TMED3: variants seen among roughly 807,000 people sequenced by gnomAD.
TMED3 encodes transmembrane p24 trafficking protein 3, also known as transmembrane emp24 domain-containing protein 3.
A neutral mutation model predicts 15.0 loss-of-function variants in TMED3; 9 were observed. The ratio of observed to expected loss-of-function variants is 0.60; its 90% CI spans 0.36 to 1.04. TMED3 has a LOEUF of 1.04. Ranked by LOEUF, TMED3 falls within the 50% of genes least tolerant of loss-of-function variation. The probability of loss-of-function intolerance (pLI) is 0.01; values close to 1 mark genes in which losing one functional copy is unlikely to be tolerated. For missense variants in TMED3, 267 were observed against 278.9 expected (o/e 0.96, Z 0.30); for synonymous variants, 117 against 121.4 (o/e 0.96, Z 0.24).
intron 2 of TMED3, among the ~76,000 whole-genome samples, chr15:79,368,443 T>C (rs1893277813): frequency 6.6e-6 from 1 of 152,090 alleles, no homozygotes; most frequent in South Asian, 2.1e-4. Context: ...GTGAGGGAGC[T>C]TGCACACTGT....
chr15:79,311,152 C>T lies in TMED3; in HGVS notation c.-98C>T, dbSNP rs1443873396. ...GAGCTCCGCTGGTGCCACGTCTATC[C>T]CCTTACATCCTCCTAGGACCCGGTC... On this transcript the variant is annotated 5_prime_UTR_variant, in exon 1 of 3. Transcript: ENST00000299705. 3.7e-6 allele frequency: 5 copies of T among 1,338,532 alleles called. No homozygotes were observed. In the South Asian group the frequency reaches 7.4e-5, roughly 20 times the overall value. The allele number at this position is 1,338,532 out of a possible 1,614,324, so 82.9% of individuals were successfully genotyped here.
intron 2 of TMED3, among the ~76,000 whole-genome samples, chr15:79,372,296 G>GT (rs1222048187): frequency 6.6e-6 from 1 of 152,160 alleles, no homozygotes; most frequent in Non-Finnish European, 1.5e-5. Flanking sequence ...AGGTAAAGAG[G>GT]TTGAAGTACA....
At chr15:79,329,046 T>G (rs901949274) in intron 2 of TMED3, among the ~76,000 whole-genome samples, 1 of 152,114 alleles carries the variant, frequency 6.6e-6, no homozygotes, top group Non-Finnish European at 1.5e-5. Flanking sequence ...TACCTAGGGG[T>G]GGTGGATTAA....
intron 2 of TMED3, among the ~76,000 whole-genome samples, chr15:79,336,741 C>T (rs1490227098): frequency 6.6e-6 from 1 of 152,038 alleles, no homozygotes; most frequent in African/African-American, 2.4e-5. Flanking sequence ...GAAAAAAACA[C>T]ATTAGCACCC....
exon 3 of TMED3, chr15:79,411,458 G>A (rs1893977927): frequency 1.4e-6 from 1 of 702,520 alleles, no homozygotes; most frequent in Non-Finnish European, 2.6e-6. Flanking sequence ...ATGCAGCCAG[G>A]CGGAACACCT....
intron 2 of TMED3, among the ~76,000 whole-genome samples, chr15:79,357,968 C>T (rs998091756): frequency 3.9e-5 from 6 of 152,180 alleles, no homozygotes; most frequent in Non-Finnish European, 8.8e-5. Flanking sequence ...CAACATCCTT[C>T]TTGGGAGATG....
At chr15:79,409,871 C>T (rs569507423) in intron 2 of TMED3, among the ~76,000 whole-genome samples, 22 of 152,146 alleles carry the variant, frequency 1.4e-4, no homozygotes, top group African/African-American at 5.3e-4. Flanking sequence ...CTGTTCTGAG[C>T]CCAATTTTCC....
At chr15:79,319,034 A>G (rs1236919600) in intron 2 of TMED3, among the ~76,000 whole-genome samples, 1 of 152,244 alleles carries the variant, frequency 6.6e-6, no homozygotes, top group Non-Finnish European at 1.5e-5. Flanking sequence ...GATGATATGT[A>G]GCCCAAAATA....
chr15:79,352,867 C>CATATATAAAATATACATATAAT lies in TMED3; in HGVS notation c.417+38899_417+38920dup, dbSNP rs1176015603. 4.8e-3 allele frequency among the ~76,000 whole-genome samples: 460 copies of CATATATAAAATATACATATAAT among 96,230 alleles called. 4 individuals carry two copies. Among genetic ancestry groups the CATATATAAAATATACATATAAT allele is most frequent in the African/African-American group, 0.017 (443 of 25,594 alleles). 63.1% of individuals were successfully genotyped at this position (96,230 alleles called of 152,430 possible). A position where few individuals can be genotyped will look rare whatever the true frequency, so the allele number is the denominator to read the frequency against. On this transcript the variant is annotated intron_variant, in intron 2 of 2. Transcript: ENST00000424155. ...ATATAAAATATACATATAAAATATA[C>CATATATAAAATATACATATAAT]ATATATAAAATATACATATAATATA...
intron 2 of TMED3, among the ~76,000 whole-genome samples, chr15:79,376,054 T>G (rs1376366370): frequency 6.7e-6 from 1 of 150,184 alleles, no homozygotes; most frequent in Non-Finnish European, 1.5e-5. Flanking sequence ...TCAGGTGACA[T>G]ACCGTATCAA....
At chr15:79,352,782 T>C (rs908626193) in intron 2 of TMED3, among the ~76,000 whole-genome samples, 5 of 141,248 alleles carry the variant, frequency 3.5e-5, no homozygotes, top group African/African-American at 1.3e-4. Flanking sequence ...TTTTCCGCTT[T>C]GAGAAATCTT....
At chr15:79,380,169 G>A (rs1456095598) in intron 2 of TMED3, among the ~76,000 whole-genome samples, 1 of 151,954 alleles carries the variant, frequency 6.6e-6, no homozygotes, top group Non-Finnish European at 1.5e-5. Context: ...TGACCAACAT[G>A]GTGAAAACCT....
At chr15:79,330,486 A>G (rs2058804202) in intron 2 of TMED3, among the ~76,000 whole-genome samples, 1 of 152,194 alleles carries the variant, frequency 6.6e-6, no homozygotes, top group Non-Finnish European at 1.5e-5. Flanking sequence ...AAGGATGTGA[A>G]AAATCTCTAC....
chr15:79,390,299 G>A (rs1893679902), intron 2 of TMED3, among the ~76,000 whole-genome samples: 1 of 152,104 alleles, frequency 6.6e-6, no homozygotes, highest in Non-Finnish European at 1.5e-5. Context: ...TAATCATGAA[G>A]CAATGATGGA....
intron 2 of TMED3, among the ~76,000 whole-genome samples, chr15:79,321,628 G>T (rs2058767137): frequency 2.0e-5 from 3 of 152,190 alleles, no homozygotes; most frequent in South Asian, 2.1e-4. Context: ...CCTCATCTGT[G>T]TGTGGGATAA....
Position 79,322,352 on chromosome 15 carries a change from C to T in TMED3, c.*138C>T. On this transcript the variant is annotated 3_prime_UTR_variant, in exon 3 of 3. Transcript: ENST00000299705. ...GTGGTAGCCCTTTGCCTTTCATGCC[C>T]ATGCTTGATTCTTGCACCTCAGCAG... 2 of 1,476,742 alleles carry T rather than the reference C, an allele frequency of 1.4e-6. No individual in the cohort carries two copies. The highest frequency in any genetic ancestry group is 1.4e-5 in the African/African-American group (1 of 71,066). The allele number at this position is 1,476,742 out of a possible 1,614,324, so 91.5% of individuals were successfully genotyped here.
intron 2 of TMED3, among the ~76,000 whole-genome samples, chr15:79,401,613 A>T (rs1344158337): frequency 6.6e-6 from 1 of 152,134 alleles, no homozygotes; most frequent in Admixed American, 6.6e-5. Context: ...AAATGTCAAT[A>T]GTGCCAAGAT....
intron 2 of TMED3, among the ~76,000 whole-genome samples, chr15:79,400,678 A>G (rs8035164): frequency 6.6e-6 from 1 of 152,222 alleles, no homozygotes; most frequent in Non-Finnish European, 1.5e-5. Flanking sequence ...GTATATAACA[A>G]TTATCTCATT....
At chr15:79,364,095 A>G (rs75729905) in intron 2 of TMED3, among the ~76,000 whole-genome samples, 4 of 152,330 alleles carry the variant, frequency 2.6e-5, no homozygotes, top group Admixed American at 2.0e-4. Flanking sequence ...TTTTTTAAGC[A>G]AAAGGAAAGC....
Sources: allele counts gnomAD v4.1 joint callset (sites outside exome capture counted in the v4.1 genomes callset), GRCh38; gene constraint gnomAD v4.1.1; transcripts MANE v1.5; gene names NCBI Gene and HGNC (gene_info 2026-07-23, HGNC 2026-07-21).